Variants in MIEF1 observed in about 807,000 individuals in gnomAD.
MIEF1 encodes mitochondrial elongation factor 1.
Under a neutral mutation model 35.1 loss-of-function variants are expected in MIEF1, and 14 were observed. That is an observed-to-expected ratio of 0.40 (90% CI 0.26 to 0.62). The LOEUF is 0.62. MIEF1 is among the 20% of genes least tolerant of loss of function. The pLI is 0.43. For missense variants in MIEF1, 542 were observed against 615.4 expected, an observed-to-expected ratio of 0.88 and a Z score of 1.26; for synonymous variants, 245 against 254.3, an observed-to-expected ratio of 0.96 and a Z score of 0.35.
rs1338650443 is a variant in MIEF1, at chr22:39,517,309, G to T, written c.*2986G>T. On this transcript the variant is annotated 3_prime_UTR_variant, in exon 6 of 6. Coordinates refer to ENST00000325301, the MANE Select transcript of MIEF1 (RefSeq NM_019008.6). ...TCCTCTGTTGCCCTTCCTAAAAAAT[G>T]AGCTGAAGATGACAGTATTTTTCTT... 4 of 224,112 alleles carry T rather than the reference G, an allele frequency of 1.8e-5. No homozygotes were observed. Among genetic ancestry groups the T allele is most frequent in the East Asian group, 2.6e-4 (2 of 7,796 alleles). The allele number at this position is 224,112 out of a possible 1,614,324, so 13.9% of individuals were successfully genotyped here.
In MIEF1 at chr22:39,514,584, G is replaced by C. The variant is rs146293680; in HGVS notation, c.*261G>C. On this transcript the variant is annotated 3_prime_UTR_variant, in exon 6 of 6. Transcript: ENST00000325301. ...TAATTTTTCTGGAATGAATTGAGAA[G>C]GTGGCGTGCTGGCCTGAGCTGATGG... 4.8e-4 allele frequency: 253 copies of C among 523,224 alleles called. No homozygotes were observed. Among genetic ancestry groups the C allele is most frequent in the African/African-American group, 4.4e-3 (230 of 52,524 alleles). 32.4% of individuals were successfully genotyped at this position (523,224 alleles called of 1,614,324 possible).
Position 39,504,370 on chromosome 22 carries a change from A to C in MIEF1, c.-172A>C. On this transcript the variant is annotated 5_prime_UTR_variant, in exon 2 of 6. Coordinates refer to ENST00000325301, the MANE Select transcript of MIEF1 (RefSeq NM_019008.6). ...TTCCGAAAAAATCAGAAGCTAGAGG[A>C]CGCTGAGGCCCGGGAGAGGCAGCTG... 2.5e-6 allele frequency: 1 copy of C among 398,938 alleles called. No homozygotes were observed. Among genetic ancestry groups the C allele is most frequent in the Non-Finnish European group, 4.4e-6 (1 of 226,072 alleles). 24.7% of individuals were successfully genotyped at this position (398,938 alleles called of 1,614,324 possible). A position where few individuals can be genotyped will look rare whatever the true frequency, so the allele number is the denominator to read the frequency against.
In MIEF1 at chr22:39,513,957, T is replaced by A. The variant is rs776534446; in HGVS notation, c.1026T>A (p.Arg342=). 1 of 1,613,166 alleles carries A rather than the reference T, an allele frequency of 6.2e-7. No homozygotes were observed. Among genetic ancestry groups the A allele is most frequent in the East Asian group, 2.2e-5 (1 of 44,878 alleles). ...QYDNLWRLSL[R]PAETARLRAL... ...ACAACCTGTGGCGGCTGAGCCTGCG[T>A]CCCGCGGAGACGGCACGCCTGCGGG... Residue 342 remains arginine, a synonymous_variant, in exon 6 of 6, where the codon CGT becomes CGA. Coordinates refer to ENST00000325301, the MANE Select transcript of MIEF1 (RefSeq NM_019008.6).
upstream of MIEF1, among the ~76,000 whole-genome samples, chr22:39,501,058 G>T (rs1057389722): frequency 6.6e-6 from 1 of 152,090 alleles, no homozygotes; most frequent in Non-Finnish European, 1.5e-5. Flanking sequence ...TTATTCTCAA[G>T]CCAGACAGAT....
At chr22:39,500,875 T>C (rs1359974331), upstream of MIEF1, among the ~76,000 whole-genome samples, 1 of 151,980 alleles carries the variant, frequency 6.6e-6, no homozygotes, top group Non-Finnish European at 1.5e-5. Context: ...TTTGTATTTT[T>C]AGTAGAGATG....
chr22:39,509,699 T>A (rs1355278396), intron 2 of MIEF1: 1 of 152,248 alleles, frequency 6.6e-6, no homozygotes, highest in East Asian at 1.9e-4. Context: ...TCACCTAAGC[T>A]TTTATAGTCC....
Position 39,517,106 on chromosome 22 carries a change from C to T in MIEF1, c.*2783C>T, listed in dbSNP as rs1402784126. 3.9e-5 allele frequency: 6 copies of T among 153,684 alleles called. No individual in the cohort carries two copies. In the East Asian group the frequency reaches 1.1e-3, roughly 29 times the overall value. 9.5% of individuals were successfully genotyped at this position (153,684 alleles called of 1,614,324 possible). On this transcript the variant is annotated 3_prime_UTR_variant, in exon 6 of 6. Transcript: ENST00000325301. ...GAAAGATGAGTAACTTTCCCCACTA[C>T]TCTGCCTTCCTGTTCAGTAACTCTT...
At position 39,513,609 on chromosome 22, in the gene MIEF1, T is replaced by C. The variant is rs202201776; in HGVS notation, c.678T>C (p.Asn226=). ...SCIPGEDTIM[N]VPGFFLVRRE... ...TTCCTGGTGAAGACACCATCATGAATGTCCCTGGCTTCTTCCTGGTGCGTC... is the reference window on the plus strand; with the variant it reads ...TTCCTGGTGAAGACACCATCATGAACGTCCCTGGCTTCTTCCTGGTGCGTC... Residue 226 remains asparagine (N), a synonymous_variant, in exon 6 of 6, where the codon AAT becomes AAC. Coordinates refer to ENST00000325301, the MANE Select transcript of MIEF1 (RefSeq NM_019008.6). The C allele has an allele frequency of 3.9e-5, 63 of 1,614,228 alleles. No homozygotes were observed. The East Asian group carries it at 1.2e-3, about 31-fold the overall frequency.
chr22:39,513,597 C>T lies in MIEF1; in HGVS notation c.666C>T (p.Asp222=), dbSNP rs1201235658. The T allele has an allele frequency of 5.6e-6, 9 of 1,614,244 alleles. No homozygotes were observed. The highest frequency in any genetic ancestry group is 7.6e-6 in the Non-Finnish European group (9 of 1,180,044). The change falls in exon 6 of 6, where the codon GAC becomes GAT. Residue 222 remains aspartate, a synonymous_variant. Transcript: ENST00000325301. ...TGTGGTCATGTATTCCTGGTGAAGA[C>T]ACCATCATGAATGTCCCTGGCTTCT... ...QNLWSCIPGE[D]TIMNVPGFFL... is the part of the protein sequence containing the mutation.
At chr22:39,503,294 C>A (rs1288146098) in intron 1 of MIEF1, 1 of 152,190 alleles carries the variant, frequency 6.6e-6, no homozygotes, top group South Asian at 2.1e-4. Flanking sequence ...GTAATGTTGA[C>A]CCCTAGGGTA....
Position 39,515,501 on chromosome 22 carries a change from G to C in MIEF1, c.*1178G>C. On this transcript the variant is annotated 3_prime_UTR_variant, in exon 6 of 6. Transcript: ENST00000325301. ...GCCAGAGGGCAAGTGAGCATGCACG[G>C]ACCTCTTCCCCCTGTCCTGTTTCTC... 1.6e-6 allele frequency: 1 copy of C among 622,610 alleles called. No homozygotes were observed. The highest frequency in any genetic ancestry group is 2.7e-5 in the East Asian group (1 of 36,412). The allele number at this position is 622,610 out of a possible 1,614,324, so 38.6% of individuals were successfully genotyped here. A position where few individuals can be genotyped will look rare whatever the true frequency, so the allele number is the denominator to read the frequency against.
chr22:39,506,252 C>G (rs1055475276), intron 2 of MIEF1, among the ~76,000 whole-genome samples: 13 of 152,160 alleles, frequency 8.5e-5, no homozygotes, highest in Non-Finnish European at 1.6e-4. Flanking sequence ...ACTGCACACC[C>G]TGGGGATGCA....
intron 2 of MIEF1, among the ~76,000 whole-genome samples, chr22:39,507,219 G>A (rs914302444): frequency 3.3e-5 from 5 of 151,940 alleles, no homozygotes; most frequent in Non-Finnish European, 7.4e-5. Flanking sequence ...GATGGTGGGC[G>A]GGGGGTGCCT....
At chr22:39,503,317 AGTT>A (rs1569013546) in intron 1 of MIEF1, 3 of 152,166 alleles carry the variant, frequency 2.0e-5, no homozygotes, top group South Asian at 4.1e-4. Flanking sequence ...TGACAGAATG[AGTT>A]GTTATGTGAG....
At position 39,511,994 on chromosome 22, in the gene MIEF1, C is replaced by A; in HGVS notation, c.290C>A (p.Thr97Asn). Residue 97 changes from threonine to asparagine, a missense_variant, in exon 4 of 6, where the codon ACC becomes AAC. Transcript: ENST00000325301. The part of the protein sequence containing the change: ...MKTGLSRSLQ[T>N]LPTDSSTFDT... Reference sequence around the variant, plus strand: ...ACGGGCCTGAGCCGGTCCTTGCAGACCCTTCCCACAGACTCCTCCACCTTC... The same window carrying A: ...ACGGGCCTGAGCCGGTCCTTGCAGAACCTTCCCACAGACTCCTCCACCTTC... The A allele has an allele frequency of 6.2e-7, 1 of 1,613,892 alleles. No homozygotes were observed. The highest frequency in any genetic ancestry group is 8.5e-7 in the Non-Finnish European group (1 of 1,179,964).
rs962836788 is a variant in MIEF1, at chr22:39,504,282, C to T, written c.-260C>T. 10 of 398,984 alleles carry T rather than the reference C, an allele frequency of 2.5e-5. No homozygotes were observed. The highest frequency in any genetic ancestry group is 1.0e-4 in the African/African-American group (5 of 48,634). 24.7% of individuals were successfully genotyped at this position (398,984 alleles called of 1,614,324 possible). A position where few individuals can be genotyped will look rare whatever the true frequency, so the allele number is the denominator to read the frequency against. ...GCTGAGTCTCTATCGGGCTCTGTTGCGCCAGGGCCGACAGCTTCGCTACAC... is the reference window on the plus strand; with the variant it reads ...GCTGAGTCTCTATCGGGCTCTGTTGTGCCAGGGCCGACAGCTTCGCTACAC... On this transcript the variant is annotated 5_prime_UTR_variant, in exon 2 of 6. Transcript: ENST00000325301.
chr22:39,513,473 G>T lies in MIEF1; in HGVS notation c.586-44G>T. On this transcript the variant is annotated intron_variant, in intron 5 of 5. Coordinates refer to ENST00000325301, the MANE Select transcript of MIEF1 (RefSeq NM_019008.6). ...CCGTCTTAGAGGAAGCATGTCTTTT[G>T]AACAGAGTAAACCCTCAAAACCCTT... 5 of 1,576,440 alleles carry T rather than the reference G, an allele frequency of 3.2e-6. No individual in the cohort carries two copies. In the South Asian group the frequency reaches 4.6e-5, roughly 14 times the overall value.
intron 2 of MIEF1, among the ~76,000 whole-genome samples, chr22:39,505,026 C>T (rs1452411628): frequency 6.6e-6 from 1 of 152,020 alleles, no homozygotes; most frequent in Non-Finnish European, 1.5e-5. Flanking sequence ...AACCCTGTCT[C>T]TACCAAAAAT....
rs142024527 is a variant in MIEF1 at position 39,508,727 on chromosome 22, A to T, written c.-7-2561A>T. ...ACTCGGTTTGGCGAAATAGTCTTTC[A>T]TGTCCCTAAACCTGAAGCCTCTATT... On this transcript the variant is annotated intron_variant, in intron 2 of 5. Coordinates refer to ENST00000325301, the MANE Select transcript of MIEF1 (RefSeq NM_019008.6). Among the ~76,000 whole-genome samples, 20 of 152,326 alleles carry T rather than the reference A, an allele frequency of 1.3e-4. No homozygotes were observed. The East Asian group carries it at 3.7e-3, about 28-fold the overall frequency.
Sources: allele counts gnomAD v4.1 joint callset (sites outside exome capture counted in the v4.1 genomes callset), GRCh38; gene constraint gnomAD v4.1.1; transcripts MANE v1.5; gene names NCBI Gene and HGNC (gene_info 2026-07-23, HGNC 2026-07-21).